ZCCHC4: variants seen among roughly 807,000 people sequenced by gnomAD.
ZCCHC4 encodes the protein zinc finger CCHC-type containing 4, also known as rRNA N(6)-adenosine-methyltransferase ZCCHC4.
A neutral mutation model predicts 67.7 loss-of-function variants in ZCCHC4; 54 were observed. That is an observed-to-expected ratio of 0.80 (90% confidence interval 0.64 to 1.00). The LOEUF is 1.00. ZCCHC4 is among the 50% of genes least tolerant of loss of function. The pLI, the probability that ZCCHC4 is intolerant of heterozygous loss-of-function variation, is 0.00. For missense variants in ZCCHC4, 609 were observed against 617.0 expected (o/e 0.99, Z 0.14); for synonymous variants, 198 against 213.5 (o/e 0.93, Z 0.63).
At chr4:25,321,111 G>A (rs1234532602) in intron 3 of ZCCHC4, among the ~76,000 whole-genome samples, 1 of 152,064 alleles carries the variant, frequency 6.6e-6, no homozygotes, top group African/African-American at 2.4e-5. Context: ...GTCCTCTAAA[G>A]GCCTTAATTA....
intron 11 of ZCCHC4, 142 bp downstream of exon 11, chr4:25,364,647 G>A (rs1328397853): frequency 1.3e-6 from 1 of 773,704 alleles, no homozygotes; most frequent in Non-Finnish European, 2.0e-6. Context: ...TAATTTTATA[G>A]TTATCAGCAT....
chr4:25,362,264 A>C lies in ZCCHC4; in HGVS notation c.1172A>C (p.Asn391Thr), dbSNP rs1471105910. 6.2e-7 allele frequency: 1 copy of C among 1,611,660 alleles called. No homozygotes were observed. Among genetic ancestry groups the C allele is most frequent in the South Asian group, 1.1e-5 (1 of 90,554 alleles). Residue 391 changes from asparagine to threonine, a missense_variant, in exon 10 of 13, where the codon AAT becomes ACT. Transcript: ENST00000302874. ...TGTCAACGGTATGTTTCTCTAGAGA[A>C]TCAACACTGTGAGCTCTGTAATTCT... ...SPCQRYVSLE[N>T]QHCELCNSCT...
chr4:25,346,185 C>T (rs1720005009), intron 6 of ZCCHC4, among the ~76,000 whole-genome samples: 1 of 151,940 alleles, frequency 6.6e-6, no homozygotes, highest in Non-Finnish European at 1.5e-5. Context: ...ATCTCTATTC[C>T]TTCCTCTCAC....
At chr4:25,365,373 A>C in intron 12 of ZCCHC4, 1 of 1,353,058 alleles carries the variant, frequency 7.4e-7, no homozygotes, top group Non-Finnish European at 9.5e-7. Context: ...TCTACAGCTT[A>C]GAGATGAAAA....
At chr4:25,328,380 C>T (rs1719001014) in intron 3 of ZCCHC4, among the ~76,000 whole-genome samples, 1 of 152,046 alleles carries the variant, frequency 6.6e-6, no homozygotes, top group Admixed American at 6.5e-5. Context: ...GCTGGGATCA[C>T]AGGCACCCAC....
At chr4:25,330,124 G>A (rs1342029349) in intron 3 of ZCCHC4, among the ~76,000 whole-genome samples, 1 of 152,004 alleles carries the variant, frequency 6.6e-6, no homozygotes, top group Non-Finnish European at 1.5e-5. Flanking sequence ...CCAAGTAGCT[G>A]GAATTACAGG....
chr4:25,356,274 T>C (rs925725250), intron 8 of ZCCHC4, among the ~76,000 whole-genome samples: 9 of 152,240 alleles, frequency 5.9e-5, no homozygotes, highest in African/African-American at 2.2e-4. Flanking sequence ...TCAGCTCTAC[T>C]ACTAGTGATA....
chr4:25,359,655 A>G lies in ZCCHC4; in HGVS notation c.1012-2204A>G, dbSNP rs573991146. Among the ~76,000 whole-genome samples, 91 of 152,362 alleles carry G rather than the reference A, an allele frequency of 6.0e-4. 2 individuals are homozygous for G. The South Asian group carries it at 0.016, about 27-fold the overall frequency. ...GATGTGGATAGATTTGATTTTGGCC[A>G]GGGTCGACTAGGAGAGAATTGATAA... is the stretch of plus-strand genomic sequence containing the variant. On this transcript the variant is annotated intron_variant, in intron 8 of 12. Coordinates refer to ENST00000302874, the MANE Select transcript of ZCCHC4 (RefSeq NM_024936.3). The surrounding 1 kb of genome is among the most constrained non-coding windows in gnomAD (Gnocchi z 4.9).
chr4:25,313,994 G>T, intron 1 of ZCCHC4, 52 bp from the exon 2 acceptor site: 3 of 1,171,164 alleles, frequency 2.6e-6, no homozygotes, highest in South Asian at 1.4e-5. Flanking sequence ...AGAACTTGAC[G>T]TAGATGACCA....
rs80124052 is a variant in ZCCHC4 at position 25,332,961 on chromosome 4, T to C, written c.330-222T>C. 6.8e-3 allele frequency among the ~76,000 whole-genome samples: 1,032 copies of C among 152,304 alleles called. 10 individuals carry two copies. The highest frequency in any genetic ancestry group is 0.023 in the African/African-American group (969 of 41,566). ...TCTTCATTCAGTGACTAAATTGGAG[T>C]GTCTCAATTCTTATGAAATTGCTGA... On this transcript the variant is annotated intron_variant, in intron 3 of 12. Coordinates refer to ENST00000302874, the MANE Select transcript of ZCCHC4 (RefSeq NM_024936.3).
rs558792903 is a variant in ZCCHC4, at chr4:25,328,692, C to G, written c.330-4491C>G. Among the ~76,000 whole-genome samples, 4 of 152,124 alleles carry G rather than the reference C, an allele frequency of 2.6e-5. No individual in the cohort carries two copies. The East Asian group carries it at 5.9e-4, about 22-fold the overall frequency. On this transcript the variant is annotated intron_variant, in intron 3 of 12. Coordinates refer to ENST00000302874, the MANE Select transcript of ZCCHC4 (RefSeq NM_024936.3). Reference sequence around the variant, plus strand: ...GACCTCCCAGGCTCGAGCAGTCCCCCCACCTCAGCCTCCTGAGCAGCTGCA... The same window carrying G: ...GACCTCCCAGGCTCGAGCAGTCCCCGCACCTCAGCCTCCTGAGCAGCTGCA...
chr4:25,365,655 A>C, intron 12 of ZCCHC4: 1 of 985,014 alleles, frequency 1.0e-6, no homozygotes, highest in East Asian at 1.1e-4. Flanking sequence ...GACATGCTTA[A>C]TGCTTAAATA....
intron 7 of ZCCHC4, among the ~76,000 whole-genome samples, chr4:25,351,185 A>G (rs191318439): frequency 2.8e-4 from 43 of 152,296 alleles, no homozygotes; most frequent in African/African-American, 8.4e-4. Flanking sequence ...AAACTAAGAT[A>G]ATGAGTTGTG....
rs79450318 is a variant in ZCCHC4 at position 25,348,591 on chromosome 4, G to A, written c.760-901G>A. 7.0e-3 allele frequency among the ~76,000 whole-genome samples: 1,065 copies of A among 152,216 alleles called. 10 individuals carry two copies. Among genetic ancestry groups the A allele is most frequent in the African/African-American group, 0.024 (992 of 41,518 alleles). On this transcript the variant is annotated intron_variant, in intron 6 of 12. Transcript: ENST00000302874. Reference sequence around the variant, plus strand: ...TAAGAACTATTTATGTATCATTTACGTTGTATTAGGTATTATAAGTAACCT... The same window carrying A: ...TAAGAACTATTTATGTATCATTTACATTGTATTAGGTATTATAAGTAACCT...
chr4:25,312,854 C>T lies in ZCCHC4; in HGVS notation c.45C>T (p.Gly15=), dbSNP rs1718019452. 1 of 1,613,082 alleles carries T rather than the reference C, an allele frequency of 6.2e-7. No homozygotes were observed. The highest frequency in any genetic ancestry group is 1.3e-5 in the African/African-American group (1 of 74,888). The change falls in exon 1 of 13, where the codon GGC becomes GGT. Residue 15 remains glycine (G), a synonymous_variant. Transcript: ENST00000302874. The part of the protein sequence containing the change: ...RNGFEAVEAE[G]SAGCRGSSGM... Reference sequence around the variant, plus strand: ...GGTTTGAAGCCGTGGAGGCAGAGGGCAGCGCAGGGTGCCGGGGAAGCTCGG... The same window carrying T: ...GGTTTGAAGCCGTGGAGGCAGAGGGTAGCGCAGGGTGCCGGGGAAGCTCGG...
rs552751132 is a variant in ZCCHC4, at chr4:25,364,369, A to G, written c.1210-85A>G. On this transcript the variant is annotated intron_variant, in intron 10 of 12. Coordinates refer to ENST00000302874, the MANE Select transcript of ZCCHC4 (RefSeq NM_024936.3). ...GAGTGAATAATTTACACAGATTTTA[A>G]TAAGACATTTTAATTTTTAATTGTA... The G allele has an allele frequency of 2.6e-5, 28 of 1,060,690 alleles. No individual in the cohort carries two copies. In the African/African-American group the frequency reaches 2.8e-4, roughly 11 times the overall value. The allele number at this position is 1,060,690 out of a possible 1,614,324, so 65.7% of individuals were successfully genotyped here.
At position 25,333,313 on chromosome 4, in the gene ZCCHC4, TTAAGAA is replaced by T; in HGVS notation, c.461_466del (p.Leu154_Arg156delinsTrp). On this transcript the variant is annotated inframe_deletion, in exon 4 of 13. Transcript: ENST00000302874. ...TCTGGGTAATGTGTCCATTACCCAGTTAAGAAGGCCCAGTCAACTCCTTTATCCACT... is the reference window on the plus strand; with the variant it reads ...TCTGGGTAATGTGTCCATTACCCAGTGGCCCAGTCAACTCCTTTATCCACT... 6.2e-7 allele frequency: 1 copy of T among 1,614,086 alleles called. No homozygotes were observed. The highest frequency in any genetic ancestry group is 8.5e-7 in the Non-Finnish European group (1 of 1,179,992).
intron 5 of ZCCHC4, among the ~76,000 whole-genome samples, chr4:25,344,981 T>C (rs1719936453): frequency 1.3e-5 from 2 of 152,090 alleles, no homozygotes; most frequent in African/African-American, 4.8e-5. Flanking sequence ...TTTTGTATTT[T>C]TTGTAGAGGC....
At chr4:25,323,234 A>G (rs1718678160) in intron 3 of ZCCHC4, among the ~76,000 whole-genome samples, 1 of 152,196 alleles carries the variant, frequency 6.6e-6, no homozygotes, top group South Asian at 2.1e-4. Flanking sequence ...ATTCTTCTGT[A>G]AAAAAGAACT....
Sources: gnomAD v4.1 joint callset for allele counts (sites outside exome capture counted in the v4.1 genomes callset) on GRCh38, gnomAD v4.1.1 for gene constraint, Gnocchi (gnomAD v3.1) non-coding constraint, MANE v1.5 for transcripts, NCBI Gene and HGNC (gene_info 2026-07-23, HGNC 2026-07-21) for gene names.